The following APC2 variants were observed in gnomAD, a reference collection of about 807,000 sequenced individuals.
APC2 encodes APC regulator of Wnt signaling pathway 2.
In APC2, 41 loss-of-function variants were observed where a neutral mutation model predicts 72.5. The ratio of observed to expected loss-of-function variants is 0.57; its 90% CI spans 0.44 to 0.73. The LOEUF is 0.73. Among genes scored for constraint, APC2 ranks in the 30% least tolerant of loss-of-function variants. The pLI is 0.00. For synonymous variants in APC2, 1,898 were observed against 1,612.0 expected (o/e 1.18, Z -4.25); for missense variants, 3,729 against 3,403.4 (o/e 1.10, Z -2.38).
At chr19:1,458,102 C>G (rs776265391) in intron 10 of APC2, 42 bp downstream of exon 10, 8 of 1,524,848 alleles carry the variant, frequency 5.2e-6, no homozygotes, top group Admixed American at 2.0e-5. Context: ...CTCCAGCCCC[C>G]GAACAGGTGG....
Position 1,452,946 on chromosome 19 carries a change from C to G in APC2, c.-18-38C>G. On this transcript the variant is annotated intron_variant, in intron 1 of 14. Transcript: ENST00000590469. The surrounding 1 kb of genome is among the most constrained non-coding windows in gnomAD (Gnocchi z 5.1). ...CCGGAAGGCATCACCGCGCCCTCCCCAGACCATCAGCTGAACCCTCTGACC... is the reference window on the plus strand; with the variant it reads ...CCGGAAGGCATCACCGCGCCCTCCCGAGACCATCAGCTGAACCCTCTGACC... 1.3e-6 allele frequency: 2 copies of G among 1,599,550 alleles called. No individual in the cohort carries two copies. Among genetic ancestry groups the G allele is most frequent in the Non-Finnish European group, 8.5e-7 (1 of 1,173,596 alleles).
Position 1,450,247 on chromosome 19 carries a change from C to A in APC2, c.-110C>A, listed in dbSNP as rs939722342. On this transcript the variant is annotated 5_prime_UTR_variant, in exon 1 of 15. Transcript: ENST00000590469. ...GAGCCCGCGCGCTCCGAGGCCACCC[C>A]GGGCCGGGATTTCCGGTGGGGCCCG... The A allele has an allele frequency of 1.1e-4, 108 of 985,306 alleles. No homozygotes were observed. In the African/African-American group the frequency reaches 1.7e-3, roughly 15 times the overall value. The allele number at this position is 985,306 out of a possible 1,614,324, so 61.0% of individuals were successfully genotyped here.
At chr19:1,460,410 G>C in intron 11 of APC2, 90 bp downstream of exon 11, 1 of 1,568,664 alleles carries the variant, frequency 6.4e-7, no homozygotes, top group Non-Finnish European at 8.7e-7. Context: ...CCTCGAAACA[G>C]CCCTGAGAGC....
Position 1,468,533 on chromosome 19 carries a change from A to G in APC2, c.5232A>G (p.Glu1744=), listed in dbSNP as rs1334721474. ...GGAAGGGACGACAGGCGGAGGGAGA[A>G]ATGGGCAGTGCCCGGCGGCCAGAGA... ...KHRKGRQAEG[E]MGSARRPEKR... The change falls in exon 15 of 15, where the codon GAA becomes GAG. Residue 1744 remains glutamate (E), a synonymous_variant. Transcript: ENST00000590469. 2 of 1,602,002 alleles carry G rather than the reference A, an allele frequency of 1.2e-6. No homozygotes were observed. The highest frequency in any genetic ancestry group is 1.7e-6 in the Non-Finnish European group (2 of 1,173,214).
upstream of APC2, among the ~76,000 whole-genome samples, chr19:1,449,104 T>G (rs928566828): frequency 1.3e-5 from 2 of 152,186 alleles, no homozygotes; most frequent in Admixed American, 6.5e-5. Flanking sequence ...ACTCGGACCT[T>G]CCCACCCTCT....
rs772817128 is a variant in APC2 at position 1,466,174 on chromosome 19, G to A, written c.2873G>A (p.Arg958Lys). ...CTGGCTTCGCGCCGCGAGGACCCCA[G>A]GTGTGGGCAGCCTCGGCCCAGCCGG... ...AALASRREDPRCGQPRPSRLD... is the reference protein window; with the variant it reads ...AALASRREDPKCGQPRPSRLD... Residue 958 changes from arginine to lysine, a missense_variant, in exon 15 of 15, where the codon AGG becomes AAG. Transcript: ENST00000590469. 15 of 1,566,136 alleles carry A rather than the reference G, an allele frequency of 9.6e-6. No homozygotes were observed. Among genetic ancestry groups the A allele is most frequent in the East Asian group, 2.4e-5 (1 of 42,536 alleles).
rs1193664232 is a variant in APC2, at chr19:1,460,339, T to C, written c.1443+19T>C. 1 of 1,612,998 alleles carries C rather than the reference T, an allele frequency of 6.2e-7. No individual in the cohort carries two copies. The highest frequency in any genetic ancestry group is 1.1e-5 in the South Asian group (1 of 91,058). The stretch of plus-strand genomic sequence containing the variant: ...CAACAAGGTGCCCGGGGGCAGTGGG[T>C]GGGCTGGCACTTTCCTCATCCAGTC... On this transcript the variant is annotated intron_variant, in intron 11 of 14. Transcript: ENST00000590469.
chr19:1,466,876 C>A lies in APC2; in HGVS notation c.3575C>A (p.Thr1192Asn), dbSNP rs1162533742. Reference sequence around the variant, plus strand: ...CCTTGCAGCGGGCAGGGCAGCGGCACCATCAGCCCTAGCGAGCTGCCCGAC... The same window carrying A: ...CCTTGCAGCGGGCAGGGCAGCGGCAACATCAGCCCTAGCGAGCTGCCCGAC... ...SEPCSGQGSG[T>N]ISPSELPDSP... Residue 1192 changes from threonine (T) to asparagine (N), a missense_variant, in exon 15 of 15, where the codon ACC (threonine) becomes AAC (asparagine). Transcript: ENST00000590469. The A allele has an allele frequency of 6.4e-7, 1 of 1,568,154 alleles. No homozygotes were observed. Among genetic ancestry groups the A allele is most frequent in the Non-Finnish European group, 8.6e-7 (1 of 1,157,876 alleles).
Position 1,471,229 on chromosome 19 carries a change from C to G in APC2, c.*1016C>G, listed in dbSNP as rs916697705. On this transcript the variant is annotated 3_prime_UTR_variant, in exon 15 of 15. Transcript: ENST00000590469. ...CATCACATGTGGGCGTGGTCAGTGC[C>G]CAGGACCGCACCGCTGCTCATCTTG... 2.0e-5 allele frequency: 3 copies of G among 152,474 alleles called. No homozygotes were observed. The highest frequency in any genetic ancestry group is 7.2e-5 in the African/African-American group (3 of 41,464). 9.4% of individuals were successfully genotyped at this position (152,474 alleles called of 1,614,324 possible). A position where few individuals can be genotyped will look rare whatever the true frequency, so the allele number is the denominator to read the frequency against.
In APC2 at chr19:1,456,996, C is replaced by A; in HGVS notation, c.960C>A (p.Ile320=). The part of the protein sequence containing the change: ...RSGCLPLLLQ[I]LHGTEAAAGG... ...GCTGTCTGCCTCTGCTGCTGCAAAT[C>A]CTCCACGGCACCGAGGCCGCGGCCG... The change falls in exon 9 of 15, where the codon ATC becomes ATA. Residue 320 remains isoleucine, a synonymous_variant. Transcript: ENST00000590469. 1 of 1,535,170 alleles carries A rather than the reference C, an allele frequency of 6.5e-7. No homozygotes were observed. Among genetic ancestry groups the A allele is most frequent in the Non-Finnish European group, 8.7e-7 (1 of 1,146,546 alleles).
At position 1,460,822 on chromosome 19, in the gene APC2, G is replaced by A. The variant is rs749420071; in HGVS notation, c.1486G>A (p.Ala496Thr). 4.3e-6 allele frequency: 7 copies of A among 1,613,060 alleles called. No individual in the cohort carries two copies. Among genetic ancestry groups the A allele is most frequent in the South Asian group, 1.1e-5 (1 of 91,086 alleles). ...CCGCGGCTGCATGGAGGCCATCGTG[G>A]CCCAGCTGGCCTCCGACAGTGAGGA... The part of the protein sequence containing the change: ...ARRGCMEAIV[A>T]QLASDSEELH... Residue 496 changes from alanine (A) to threonine (T), a missense_variant, in exon 12 of 15, where the codon GCC (alanine) becomes ACC (threonine). Transcript: ENST00000590469.
chr19:1,447,576 G>C (rs938231244), upstream of APC2, among the ~76,000 whole-genome samples: 1 of 152,044 alleles, frequency 6.6e-6, no homozygotes, highest in Admixed American at 6.5e-5. Flanking sequence ...AGGGGGCTGT[G>C]GGGGGTTCTT....
intron 6 of APC2, 30 bp from the exon 7 acceptor site, chr19:1,456,046 C>T (rs1271165236): frequency 3.3e-6 from 5 of 1,521,448 alleles, no homozygotes; most frequent in Non-Finnish European, 4.4e-6. Flanking sequence ...GGGTCAGCTC[C>T]AGCACTTGCC....
intron 14 of APC2, among the ~76,000 whole-genome samples, chr19:1,464,745 G>A (rs949677778): frequency 6.8e-6 from 1 of 147,850 alleles, no homozygotes; most frequent in African/African-American, 2.5e-5. Context: ...CAGTGCTCGT[G>A]CCTCGGCCTC....
rs933106230 is a variant in APC2 at position 1,468,683 on chromosome 19, C to T, written c.5382C>T (p.Ile1794=). 1.7e-5 allele frequency: 26 copies of T among 1,564,464 alleles called. No individual in the cohort carries two copies. In the Admixed American group the frequency reaches 2.0e-4, roughly 12 times the overall value. Residue 1794 remains isoleucine, a synonymous_variant, in exon 15 of 15, where the codon ATC becomes ATT. Coordinates refer to ENST00000590469, the MANE Select transcript of APC2 (RefSeq NM_005883.3). ...VPAVLRGRTV[I]YVPSPAPRAQ... ...CTGTGCTCCGGGGACGAACAGTGAT[C>T]TACGTCCCCAGCCCGGCACCCCGTG...
rs1301486502 is a variant in APC2 at position 1,472,066 on chromosome 19, G to C, written c.*1853G>C. 3.3e-5 allele frequency: 5 copies of C among 152,442 alleles called. No individual in the cohort carries two copies. The highest frequency in any genetic ancestry group is 1.2e-4 in the African/African-American group (5 of 41,440). 9.4% of individuals were successfully genotyped at this position (152,442 alleles called of 1,614,324 possible). A position where few individuals can be genotyped will look rare whatever the true frequency, so the allele number is the denominator to read the frequency against. ...CTGTCAGGTTGTTTTGGGGGAAGAG[G>C]GGGTCATGGATGGCTGAGCAGAGAG... is the stretch of plus-strand genomic sequence containing the variant. On this transcript the variant is annotated 3_prime_UTR_variant, in exon 15 of 15. Transcript: ENST00000590469.
chr19:1,451,258 T>C (rs1231602748), intron 1 of APC2: 1 of 152,658 alleles, frequency 6.6e-6, no homozygotes, highest in African/African-American at 2.4e-5. Flanking sequence ...TTGGCTTCGG[T>C]CAGCTGAGAA....
chr19:1,460,958 C>A, intron 12 of APC2, 79 bp from the exon 13 acceptor site: 3 of 1,595,096 alleles, frequency 1.9e-6, no homozygotes, highest in Non-Finnish European at 2.6e-6. Context: ...CCGTCCGACT[C>A]TCTGCAGACT....
chr19:1,455,509 G>C lies in APC2; in HGVS notation c.639+9G>C. The stretch of plus-strand genomic sequence containing the variant: ...TGGTGCAGCGGGCACAGGTGCGGCG[G>C]TGGGCGGGGTGGCGCGGCGGTAGGC... On this transcript the variant is annotated intron_variant, in intron 6 of 14. Coordinates refer to ENST00000590469, the MANE Select transcript of APC2 (RefSeq NM_005883.3). 1 of 1,594,330 alleles carries C rather than the reference G, an allele frequency of 6.3e-7. No homozygotes were observed.
Sources: allele counts gnomAD v4.1 joint callset (sites outside exome capture counted in the v4.1 genomes callset), GRCh38; gene constraint gnomAD v4.1.1; non-coding constraint Gnocchi (gnomAD v3.1); transcripts MANE v1.5; gene names NCBI Gene and HGNC (gene_info 2026-07-23, HGNC 2026-07-21).